Variants in COL24A1 observed in about 807,000 individuals in gnomAD.
COL24A1 encodes collagen type XXIV alpha 1 chain.
In COL24A1, 224 loss-of-function variants were observed where a neutral mutation model predicts 253.9. That is an observed-to-expected ratio of 0.88 (90% CI 0.79 to 0.99). COL24A1 has a LOEUF of 0.99. Ranked by LOEUF, COL24A1 falls within the 50% of genes least tolerant of loss-of-function variation. The pLI is 0.00. For missense variants in COL24A1, 2,131 were observed against 2,068.5 expected (o/e 1.03, Z -0.59); for synonymous variants, 685 against 673.7 (o/e 1.02, Z -0.26).
At chr1:86,140,236 T>C (rs1473409998) in intron 2 of COL24A1, among the ~76,000 whole-genome samples, 2 of 152,166 alleles carry the variant, frequency 1.3e-5, no homozygotes, top group Non-Finnish European at 2.9e-5. Flanking sequence ...AGAAACTTGC[T>C]CAAGGTCAGT....
At chr1:85,973,274 A>C (rs1297621107) in intron 20 of COL24A1, among the ~76,000 whole-genome samples, 1 of 152,186 alleles carries the variant, frequency 6.6e-6, no homozygotes, top group Non-Finnish European at 1.5e-5. Flanking sequence ...GCACAATATT[A>C]GGCCCTAAGT....
intron 5 of COL24A1, among the ~76,000 whole-genome samples, chr1:86,100,152 A>G (rs1191388998): frequency 6.6e-6 from 1 of 151,970 alleles, no homozygotes; most frequent in Non-Finnish European, 1.5e-5. Flanking sequence ...TACCAATAGA[A>G]TTGGCTCCTA....
chr1:85,952,248 C>G (rs1054066047), intron 24 of COL24A1, among the ~76,000 whole-genome samples: 18 of 152,092 alleles, frequency 1.2e-4, no homozygotes, highest in Admixed American at 1.2e-3. Flanking sequence ...AAAAATGTTT[C>G]TAGTGAACAT....
chr1:86,006,803 A>G (rs1374688708), intron 19 of COL24A1, among the ~76,000 whole-genome samples: 1 of 152,154 alleles, frequency 6.6e-6, no homozygotes, highest in Non-Finnish European at 1.5e-5. Context: ...TAAAAAAAAC[A>G]TTAAAAAAAG....
chr1:85,914,163 G>A (rs1460845440), intron 24 of COL24A1, among the ~76,000 whole-genome samples: 1 of 152,168 alleles, frequency 6.6e-6, no homozygotes, highest in Non-Finnish European at 1.5e-5. Flanking sequence ...ATCCCAACTA[G>A]CTGAGGTGCT....
chr1:85,873,150 A>T (rs1225566605), intron 35 of COL24A1, among the ~76,000 whole-genome samples: 3 of 152,226 alleles, frequency 2.0e-5, no homozygotes. Flanking sequence ...ATCTCACACC[A>T]GTTAGAATGG....
chr1:85,776,069 C>T (rs1668512863), intron 52 of COL24A1, among the ~76,000 whole-genome samples: 2 of 152,084 alleles, frequency 1.3e-5, no homozygotes, highest in South Asian at 4.1e-4. Flanking sequence ...AATTGTTTTT[C>T]TTAACTTTTG....
intron 43 of COL24A1, among the ~76,000 whole-genome samples, chr1:85,829,205 A>G (rs1674838465): frequency 1.3e-5 from 2 of 151,318 alleles, no homozygotes; most frequent in Admixed American, 1.3e-4. Flanking sequence ...CTGGATATGA[A>G]ATTCTGGGTT....
chr1:85,949,173 T>C (rs1465143526), intron 24 of COL24A1, among the ~76,000 whole-genome samples: 1 of 152,188 alleles, frequency 6.6e-6, no homozygotes, highest in Non-Finnish European at 1.5e-5. Flanking sequence ...ATTGTCACTT[T>C]TTCATTCAAC....
At chr1:85,925,422 A>G (rs1389291563) in intron 24 of COL24A1, among the ~76,000 whole-genome samples, 3 of 152,176 alleles carry the variant, frequency 2.0e-5, no homozygotes, top group East Asian at 1.9e-4. Flanking sequence ...ACTTCAAACT[A>G]TACTACAAGG....
At chr1:85,787,548 C>T (rs1349181619) in intron 47 of COL24A1, among the ~76,000 whole-genome samples, 2 of 152,108 alleles carry the variant, frequency 1.3e-5, no homozygotes, top group Non-Finnish European at 2.9e-5. Context: ...GATCTCATTC[C>T]TTTTTATGGC....
At chr1:86,124,467 A>T (rs1647917238) in intron 3 of COL24A1, among the ~76,000 whole-genome samples, 1 of 152,004 alleles carries the variant, frequency 6.6e-6, no homozygotes, top group Non-Finnish European at 1.5e-5. Context: ...TATCTTTTAT[A>T]TACTTCTCTT....
chr1:86,074,475 C>T (rs1425919181), intron 7 of COL24A1, among the ~76,000 whole-genome samples: 2 of 152,142 alleles, frequency 1.3e-5, no homozygotes, highest in African/African-American at 4.8e-5. Context: ...TAGAGATCTA[C>T]AAAGAGACTT....
At chr1:85,900,795 A>G (rs1025403456) in intron 28 of COL24A1, among the ~76,000 whole-genome samples, 2 of 152,208 alleles carry the variant, frequency 1.3e-5, no homozygotes, top group African/African-American at 2.4e-5. Context: ...CAAAGGTGCC[A>G]AGAGCACACA....
At chr1:85,873,721 T>G (rs1382226253) in intron 35 of COL24A1, among the ~76,000 whole-genome samples, 2 of 151,916 alleles carry the variant, frequency 1.3e-5, no homozygotes, top group South Asian at 4.2e-4. Context: ...AGGAGATATA[T>G]CTAATGTAAA....
At chr1:85,887,252 T>C (rs1042880523) in intron 32 of COL24A1, among the ~76,000 whole-genome samples, 3 of 152,100 alleles carry the variant, frequency 2.0e-5, no homozygotes, top group African/African-American at 7.2e-5. Context: ...GTCAGGAGAT[T>C]TTTTTTCAAC....
intron 24 of COL24A1, among the ~76,000 whole-genome samples, chr1:85,933,999 T>G (rs747619609): frequency 3.9e-5 from 6 of 152,192 alleles, no homozygotes; most frequent in Non-Finnish European, 5.9e-5. Flanking sequence ...AAATGGTTAG[T>G]TCTGGCTGAG....
chr1:86,004,703 C>T (rs1163851519), intron 19 of COL24A1, among the ~76,000 whole-genome samples: 1 of 152,096 alleles, frequency 6.6e-6, no homozygotes, highest in Non-Finnish European at 1.5e-5. Context: ...CTTCACCACA[C>T]CCTGAACTCT....
At chr1:86,129,857 A>T (rs980129316) in intron 2 of COL24A1, among the ~76,000 whole-genome samples, 1 of 151,856 alleles carries the variant, frequency 6.6e-6, no homozygotes, top group African/African-American at 2.4e-5. Context: ...TTGAAGGTAC[A>T]AAATTTAATA....
Sources: allele counts gnomAD v4.1 joint callset (sites outside exome capture counted in the v4.1 genomes callset), GRCh38; gene constraint gnomAD v4.1.1; transcripts MANE v1.5; gene names NCBI Gene and HGNC (gene_info 2026-07-23, HGNC 2026-07-21).